ADIPOQ: variants seen among roughly 807,000 people sequenced by gnomAD.
The protein encoded by ADIPOQ is adiponectin, C1Q and collagen domain containing, also known as adiponectin.
ADIPOQ carries 19 observed loss-of-function variants against 16.1 expected under a neutral mutation model. The ratio of observed to expected loss-of-function variants is 1.18; its 90% CI spans 0.82 to 1.73. The LOEUF (loss-of-function observed/expected upper bound fraction) is 1.73, where lower values mean the gene tolerates loss of function less well. Ranked by LOEUF, ADIPOQ falls within the 40% of genes most tolerant of loss-of-function variation. ADIPOQ has a pLI of 0.00. For synonymous variants in ADIPOQ, 124 were observed against 125.5 expected (o/e 0.99, Z 0.08); for missense variants, 323 against 308.3 (o/e 1.05, Z -0.36).
chr3:186,847,003 A>G (rs972028242), intron 1 of ADIPOQ, among the ~76,000 whole-genome samples: 3 of 151,300 alleles, frequency 2.0e-5, no homozygotes, highest in Non-Finnish European at 3.0e-5. Flanking sequence ...TTAATTTCCG[A>G]CTCCTCTCTG....
chr3:186,854,999 C>G lies in ADIPOQ; in HGVS notation c.*295C>G. 1 of 442,528 alleles carries G rather than the reference C, an allele frequency of 2.3e-6. No individual in the cohort carries two copies. Among genetic ancestry groups the G allele is most frequent in the South Asian group, 2.2e-5 (1 of 46,150 alleles). 27.4% of individuals were successfully genotyped at this position (442,528 alleles called of 1,614,324 possible). A position where few individuals can be genotyped will look rare whatever the true frequency, so the allele number is the denominator to read the frequency against. ...ATGCTCATATCAATCCTATAAGGCA[C>G]AGGGAACAAGCATTCTCCTGTTTTT... On this transcript the variant is annotated 3_prime_UTR_variant, in exon 3 of 3. Transcript: ENST00000320741.
intron 1 of ADIPOQ, among the ~76,000 whole-genome samples, chr3:186,850,367 C>T (rs1303916786): frequency 6.6e-6 from 1 of 151,432 alleles, no homozygotes; most frequent in Admixed American, 6.6e-5. Context: ...TTTATAATAC[C>T]CAAAGCTGAT....
chr3:186,856,949 C>G lies in ADIPOQ; in HGVS notation c.*2245C>G, dbSNP rs1712027679. 2.0e-5 allele frequency: 3 copies of G among 152,318 alleles called. No homozygotes were observed. Among genetic ancestry groups the G allele is most frequent in the Non-Finnish European group, 2.9e-5 (2 of 68,038 alleles). 9.4% of individuals were successfully genotyped at this position (152,318 alleles called of 1,614,324 possible). On this transcript the variant is annotated 3_prime_UTR_variant, in exon 3 of 3. Coordinates refer to ENST00000320741, the MANE Select transcript of ADIPOQ (RefSeq NM_004797.4). ...ATAAGGTTTGAACCAAAGCTCAAAA[C>G]AATCAAGACCCTTTTCTGTATGTCC...
Position 186,854,297 on chromosome 3 carries a change from G to A in ADIPOQ, c.328G>A (p.Val110Ile). The A allele has an allele frequency of 6.2e-7, 1 of 1,614,226 alleles. No homozygotes were observed. The highest frequency in any genetic ancestry group is 8.5e-7 in the Non-Finnish European group (1 of 1,180,040). ...AGGAGAACCTGGAGAAGGTGCCTAT[G>A]TATACCGCTCAGCATTCAGTGTGGG... Reference protein sequence around the residue: ...RKGEPGEGAYVYRSAFSVGLE... With the variant: ...RKGEPGEGAYIYRSAFSVGLE... Residue 110 changes from valine to isoleucine, a missense_variant, in exon 3 of 3, where the codon GTA (valine) becomes ATA (isoleucine). Transcript: ENST00000320741.
chr3:186,849,162 C>A (rs1711668083), intron 1 of ADIPOQ, among the ~76,000 whole-genome samples: 1 of 152,186 alleles, frequency 6.6e-6, no homozygotes, highest in Admixed American at 6.5e-5. Flanking sequence ...GGTAAGCCCC[C>A]CGTCACCCTT....
At chr3:186,849,010 G>A (rs994345110) in intron 1 of ADIPOQ, among the ~76,000 whole-genome samples, 4 of 152,114 alleles carry the variant, frequency 2.6e-5, no homozygotes, top group African/African-American at 9.7e-5. Flanking sequence ...ACCTATTAGT[G>A]GAGAAATCTG....
rs989408711 is a variant in ADIPOQ, at chr3:186,855,895, A to G, written c.*1191A>G. 2.0e-5 allele frequency: 3 copies of G among 152,268 alleles called. No individual in the cohort carries two copies. The highest frequency in any genetic ancestry group is 4.8e-5 in the African/African-American group (2 of 41,450). 9.4% of individuals were successfully genotyped at this position (152,268 alleles called of 1,614,324 possible). On this transcript the variant is annotated 3_prime_UTR_variant, in exon 3 of 3. Coordinates refer to ENST00000320741, the MANE Select transcript of ADIPOQ (RefSeq NM_004797.4). ...GCAGATCCTTGATAAATGCCTCATG[A>G]AGACCAATCTCTTGAATCCCATATC...
At position 186,845,078 on chromosome 3, in the gene ADIPOQ, G is replaced by A. The variant is rs544565574; in HGVS notation, c.-9+2329G>A. ...TGTGTGAGTGTGTGTGTGCGCGCGC[G>A]CACACTCATTTGGATGGGTGTGTAT... On this transcript the variant is annotated intron_variant, in intron 1 of 2. Coordinates refer to ENST00000320741, the MANE Select transcript of ADIPOQ (RefSeq NM_004797.4). Among the ~76,000 whole-genome samples the A allele has an allele frequency of 2.3e-4, 35 of 151,706 alleles. 1 individual carries two copies. Among genetic ancestry groups the A allele is most frequent in the South Asian group, 8.3e-4 (4 of 4,792 alleles).
In ADIPOQ at chr3:186,858,037, T is replaced by C. The variant is rs1579213888; in HGVS notation, c.*3333T>C. On this transcript the variant is annotated 3_prime_UTR_variant, in exon 3 of 3. Coordinates refer to ENST00000320741, the MANE Select transcript of ADIPOQ (RefSeq NM_004797.4). ...TTCTGTGGCCCTGGCTGGAGTTCAG[T>C]GGTGTGATCTTGGCTCACTGCTACC... 1 of 151,862 alleles carries C rather than the reference T, an allele frequency of 6.6e-6. No homozygotes were observed. Among genetic ancestry groups the C allele is most frequent in the African/African-American group, 2.4e-5 (1 of 41,312 alleles). 9.4% of individuals were successfully genotyped at this position (151,862 alleles called of 1,614,324 possible).
At chr3:186,846,735 A>C (rs1403151898) in intron 1 of ADIPOQ, among the ~76,000 whole-genome samples, 1 of 152,200 alleles carries the variant, frequency 6.6e-6, no homozygotes, top group African/African-American at 2.4e-5. Flanking sequence ...ATAAATGATC[A>C]CAGTATGGCC....
At chr3:186,845,043 AGTAT>A (rs1470982301) in intron 1 of ADIPOQ, among the ~76,000 whole-genome samples, 1 of 151,632 alleles carries the variant, frequency 6.6e-6, no homozygotes, top group East Asian at 1.9e-4. Flanking sequence ...GTTCCTTGAC[AGTAT>A]GTATGTGTGT....
chr3:186,848,229 A>AGAAG (rs1227150166), intron 1 of ADIPOQ, among the ~76,000 whole-genome samples: 4 of 132,430 alleles, frequency 3.0e-5, no homozygotes, highest in African/African-American at 1.1e-4. Context: ...AAGGAAGGAA[A>AGAAG]GAAGGAAGGA....
At chr3:186,852,957 T>G (rs17846866) in intron 1 of ADIPOQ, 94 bp from the exon 2 acceptor site, 88,418 of 1,319,808 alleles carry the variant, frequency 0.067, 3,398 homozygotes, top group South Asian at 0.096. Flanking sequence ...AGAAGTAGAC[T>G]CTGCTGAGAT....
chr3:186,854,516 C>T lies in ADIPOQ; in HGVS notation c.547C>T (p.Leu183Phe), dbSNP rs1173964267. The T allele has an allele frequency of 6.2e-7, 1 of 1,614,226 alleles. No homozygotes were observed. The highest frequency in any genetic ancestry group is 8.5e-7 in the Non-Finnish European group (1 of 1,180,022). ...CCTCTTCAAGAAGGACAAGGCTATG[C>T]TCTTCACCTATGATCAGTACCAGGA... Reference protein sequence around the residue: ...VSLFKKDKAMLFTYDQYQENN... With the variant: ...VSLFKKDKAMFFTYDQYQENN... Residue 183 changes from leucine (L) to phenylalanine (F), a missense_variant, in exon 3 of 3, where the codon CTC becomes TTC. Physicochemically the swap from Leu to Phe is conservative, Grantham distance 22 (BLOSUM62 0). Coordinates refer to ENST00000320741, the MANE Select transcript of ADIPOQ (RefSeq NM_004797.4).
rs200346097 is a variant in ADIPOQ at position 186,854,759 on chromosome 3, G to C, written c.*55G>C. ...CAAACAGCCCCAAAGTCAATTAAAGGCTTTCAGTACGGTTAGGAAGTTGAT... is the reference window on the plus strand; with the variant it reads ...CAAACAGCCCCAAAGTCAATTAAAGCCTTTCAGTACGGTTAGGAAGTTGAT... On this transcript the variant is annotated 3_prime_UTR_variant, in exon 3 of 3. Transcript: ENST00000320741. 1.3e-6 allele frequency: 2 copies of C among 1,594,154 alleles called. No homozygotes were observed. Among genetic ancestry groups the C allele is most frequent in the Non-Finnish European group, 1.7e-6 (2 of 1,163,720 alleles).
Position 186,854,353 on chromosome 3 carries a change from GC to G in ADIPOQ, c.387del (p.Ile130PhefsTer39). The G allele has an allele frequency of 6.2e-7, 1 of 1,614,172 alleles. No individual in the cohort carries two copies. The highest frequency in any genetic ancestry group is 8.5e-7 in the Non-Finnish European group (1 of 1,180,030). ...AGACTTACGTTACTATCCCCAACAT[GC>G]CCATTCGCTTTACCAAGATCTTCTA... ...LETYVTIPNM[P>X]IRFTKIFYNQ... On this transcript the variant is annotated frameshift_variant, in exon 3 of 3. Transcript: ENST00000320741. LOFTEE classifies it high-confidence loss of function.
At chr3:186,843,052 A>G (rs1478359053) in intron 1 of ADIPOQ, among the ~76,000 whole-genome samples, 1 of 152,220 alleles carries the variant, frequency 6.6e-6, no homozygotes, top group Non-Finnish European at 1.5e-5. Context: ...GTAAGGTGGA[A>G]GGGTCTGTCC....
chr3:186,849,066 G>A (rs945856409), intron 1 of ADIPOQ, among the ~76,000 whole-genome samples: 5 of 152,160 alleles, frequency 3.3e-5, no homozygotes, highest in African/African-American at 4.8e-5. Context: ...CCTTAGGGTA[G>A]GAGAAAGAGA....
chr3:186,854,794 G>A lies in ADIPOQ; in HGVS notation c.*90G>A. ...CGGTTAGGAAGTTGATTATTATTTAGTTGGAGGCCTTTAGATATTATTCAT... is the reference window on the plus strand; with the variant it reads ...CGGTTAGGAAGTTGATTATTATTTAATTGGAGGCCTTTAGATATTATTCAT... On this transcript the variant is annotated 3_prime_UTR_variant, in exon 3 of 3. Coordinates refer to ENST00000320741, the MANE Select transcript of ADIPOQ (RefSeq NM_004797.4). The A allele has an allele frequency of 6.7e-7, 1 of 1,497,010 alleles. No individual in the cohort carries two copies. The highest frequency in any genetic ancestry group is 9.2e-7 in the Non-Finnish European group (1 of 1,083,198). 92.7% of individuals were successfully genotyped at this position (1,497,010 alleles called of 1,614,324 possible). A position where few individuals can be genotyped will look rare whatever the true frequency, so the allele number is the denominator to read the frequency against.
Sources: gnomAD v4.1 joint callset for allele counts (sites outside exome capture counted in the v4.1 genomes callset) on GRCh38, gnomAD v4.1.1 for gene constraint, MANE v1.5 for transcripts, NCBI Gene and HGNC (gene_info 2026-07-23, HGNC 2026-07-21) for gene names.